XPO1: variants seen among roughly 807,000 people sequenced by gnomAD.
XPO1 encodes exportin-1.
Under a neutral mutation model 133.3 loss-of-function variants are expected in XPO1, and 5 were observed. The ratio of observed to expected loss-of-function variants is 0.04; its 90% CI spans 0.02 to 0.08. The LOEUF is 0.08. XPO1 is among the 10% of genes least tolerant of loss of function. The pLI, the probability that XPO1 is intolerant of heterozygous loss-of-function variation, is 1.00. For synonymous variants in XPO1, 419 were observed against 408.2 expected (o/e 1.03, Z -0.32); for missense variants, 506 against 1,267.5 (o/e 0.40, Z 9.12).
At chr2:61,482,847 A>C in intron 22 of XPO1, 110 bp downstream of exon 22, 3 of 1,323,812 alleles carry the variant, frequency 2.3e-6, no homozygotes, top group Non-Finnish European at 3.1e-6. Flanking sequence ...CTGTTCTCGA[A>C]CTCCTGACCT....
chr2:61,529,486 T>C (rs985206387), intron 2 of XPO1, among the ~76,000 whole-genome samples: 6 of 151,910 alleles, frequency 3.9e-5, no homozygotes, highest in African/African-American at 1.4e-4. Context: ...TGAAACCCCG[T>C]CTCTACTAAA....
intron 2 of XPO1, among the ~76,000 whole-genome samples, chr2:61,529,186 T>G (rs1319490677): frequency 6.6e-6 from 1 of 152,188 alleles, no homozygotes; most frequent in Non-Finnish European, 1.5e-5. Flanking sequence ...GAAAAAAGTT[T>G]GATGACTTTA....
Position 61,481,284 on chromosome 2 carries a change from G to A in XPO1, c.2973-3C>T, listed in dbSNP as rs772962955. 1.3e-6 allele frequency: 2 copies of A among 1,596,994 alleles called. No individual in the cohort carries two copies. The highest frequency in any genetic ancestry group is 3.6e-5 in the Admixed American group (2 of 56,266). On this transcript the variant is annotated splice_region_variant and splice_polypyrimidine_tract_variant and intron_variant, in intron 23 of 24. Transcript: ENST00000401558. ...TCACAAAGAGCTTTACTTGAGCACT[G>A]CAAATCAAAACACAATGATTAAATA...
intron 24 of XPO1, chr2:61,480,455 T>G (rs935847938): frequency 2.0e-5 from 3 of 151,386 alleles, no homozygotes; most frequent in African/African-American, 7.3e-5. Flanking sequence ...AATTTTTGTA[T>G]TATTAGTAGA....
chr2:61,484,891 CA>C (rs1470203989), intron 20 of XPO1: 19 of 152,620 alleles, frequency 1.2e-4, no homozygotes, highest in African/African-American at 4.6e-4. Context: ...GCTGGGATTA[CA>C]AGCGTGAGCC....
intron 3 of XPO1, among the ~76,000 whole-genome samples, chr2:61,523,682 T>C (rs887805025): frequency 6.6e-6 from 1 of 152,226 alleles, no homozygotes; most frequent in African/African-American, 2.4e-5. Context: ...ATCTTTAAAA[T>C]GGTTAGTCAT....
Position 61,492,501 on chromosome 2 carries a change from G to A in XPO1, c.1567-20C>T. 6.3e-7 allele frequency: 1 copy of A among 1,588,570 alleles called. No individual in the cohort carries two copies. Among genetic ancestry groups the A allele is most frequent in the African/African-American group, 1.4e-5 (1 of 73,632 alleles). On this transcript the variant is annotated intron_variant, in intron 14 of 24. Transcript: ENST00000401558. The surrounding 1 kb of genome is among the most constrained non-coding windows in gnomAD (Gnocchi z 5.6). ...TAGATCCTGTAAATAAGACAAATTTGTATTATTTATTGTAACAACATAATA... is the reference window on the plus strand; with the variant it reads ...TAGATCCTGTAAATAAGACAAATTTATATTATTTATTGTAACAACATAATA...
At chr2:61,528,868 T>G (rs1699033941) in intron 2 of XPO1, among the ~76,000 whole-genome samples, 1 of 151,552 alleles carries the variant, frequency 6.6e-6, no homozygotes, top group African/African-American at 2.4e-5. Context: ...GGCTTAATCT[T>G]TTTCACTTTT....
At position 61,485,750 on chromosome 2, in the gene XPO1, A is replaced by G; in HGVS notation, c.2508+18T>C. On this transcript the variant is annotated intron_variant, in intron 20 of 24. Coordinates refer to ENST00000401558, the MANE Select transcript of XPO1 (RefSeq NM_003400.4). ...ATCCTGCAGAATTTCCCCCTTACATAACTGAAATATTACACACCTTATTTA... is the reference window on the plus strand; with the variant it reads ...ATCCTGCAGAATTTCCCCCTTACATGACTGAAATATTACACACCTTATTTA... 6.3e-7 allele frequency: 1 copy of G among 1,583,320 alleles called. No homozygotes were observed. The highest frequency in any genetic ancestry group is 8.6e-7 in the Non-Finnish European group (1 of 1,159,174).
chr2:61,530,034 C>T (rs1699085825), intron 2 of XPO1, among the ~76,000 whole-genome samples: 1 of 152,190 alleles, frequency 6.6e-6, no homozygotes, highest in Non-Finnish European at 1.5e-5. Context: ...AATGATGTGG[C>T]TTATCTAGGG....
At chr2:61,514,577 A>C (rs1698265201) in intron 4 of XPO1, among the ~76,000 whole-genome samples, 1 of 149,878 alleles carries the variant, frequency 6.7e-6, no homozygotes, top group African/African-American at 2.5e-5. Flanking sequence ...TGGGCGACAG[A>C]GCAAGACTCT....
intron 4 of XPO1, among the ~76,000 whole-genome samples, chr2:61,515,221 A>G (rs141421624): frequency 0.012 from 1,837 of 152,320 alleles, 27 homozygotes; most frequent in Non-Finnish European, 0.016. Flanking sequence ...AGGAGCATGC[A>G]CAAGATAAAA....
chr2:61,488,377 C>G, intron 18 of XPO1, 106 bp from the exon 19 acceptor site: 1 of 1,290,090 alleles, frequency 7.8e-7, no homozygotes, highest in Admixed American at 2.3e-5. Context: ...AAGTTTAAAG[C>G]CAAAAGTTCA....
intron 17 of XPO1, among the ~76,000 whole-genome samples, chr2:61,489,471 C>G (rs747668935): frequency 7.9e-5 from 12 of 151,956 alleles, no homozygotes; most frequent in Admixed American, 3.3e-4. Context: ...TTCCCTTACC[C>G]TAAACCATAT....
intron 19 of XPO1, among the ~76,000 whole-genome samples, chr2:61,486,522 T>C (rs1696703602): frequency 1.3e-5 from 2 of 152,110 alleles, no homozygotes; most frequent in Non-Finnish European, 2.9e-5. Flanking sequence ...AGTGGTGCCA[T>C]CTTGGCTCAC....
chr2:61,509,722 A>G (rs1423978798), intron 4 of XPO1, among the ~76,000 whole-genome samples: 1 of 152,248 alleles, frequency 6.6e-6, no homozygotes, highest in Non-Finnish European at 1.5e-5. Flanking sequence ...AAATCTGAAA[A>G]AGCCCAAAGT....
intron 4 of XPO1, among the ~76,000 whole-genome samples, chr2:61,507,484 T>C (rs1466851969): frequency 6.6e-6 from 1 of 151,894 alleles, no homozygotes; most frequent in Non-Finnish European, 1.5e-5. Context: ...GGCAGAATTC[T>C]ACCCATCACC....
At chr2:61,504,548 T>G (rs967626957) in intron 4 of XPO1, among the ~76,000 whole-genome samples, 1 of 152,222 alleles carries the variant, frequency 6.6e-6, no homozygotes, top group East Asian at 1.9e-4. Context: ...TTCATTTTCA[T>G]AGCGTTCAGA....
chr2:61,490,888 A>C, intron 16 of XPO1, 112 bp from the exon 17 acceptor site: 1 of 1,297,472 alleles, frequency 7.7e-7, no homozygotes, highest in Non-Finnish European at 1.1e-6. Flanking sequence ...GGTGCAGTGG[A>C]TCACTCCTGT....
Sources: allele counts gnomAD v4.1 joint callset (sites outside exome capture counted in the v4.1 genomes callset), GRCh38; gene constraint gnomAD v4.1.1; non-coding constraint Gnocchi (gnomAD v3.1); transcripts MANE v1.5; gene names NCBI Gene and HGNC (gene_info 2026-07-23, HGNC 2026-07-21).